The following PCDH15 variants were observed in gnomAD, a reference collection of about 807,000 sequenced individuals.
PCDH15 encodes the protein protocadherin related 15, also known as protocadherin-15.
PCDH15 carries 129 observed loss-of-function variants against 178.5 expected under a neutral mutation model. The observed-to-expected ratio is 0.72, with a 90% CI of 0.63 to 0.84. The LOEUF (loss-of-function observed/expected upper bound fraction) is 0.84, where lower values mean the gene tolerates loss of function less well. Ranked by LOEUF, PCDH15 falls within the 40% of genes least tolerant of loss-of-function variation. The probability of loss-of-function intolerance (pLI) is 0.00; values close to 1 mark genes in which losing one functional copy is unlikely to be tolerated. For synonymous variants in PCDH15, 800 were observed against 732.0 expected, an observed-to-expected ratio of 1.09 and a Z score of -1.50; for missense variants, 2,230 against 2,099.9, an observed-to-expected ratio of 1.06 and a Z score of -1.21.
chr10:54,908,111 C>G (rs960425576), intron 2 of PCDH15, among the ~76,000 whole-genome samples: 1 of 152,204 alleles, frequency 6.6e-6, no homozygotes, highest in African/African-American at 2.4e-5. Context: ...GAGTTTTGCT[C>G]TGGCCCACTG....
chr10:54,988,824 G>A (rs914903961), intron 2 of PCDH15, among the ~76,000 whole-genome samples: 6 of 152,106 alleles, frequency 3.9e-5, no homozygotes, highest in South Asian at 2.1e-4. Flanking sequence ...AGCCAGCCAC[G>A]GAAATTTGCG....
At chr10:54,279,904 G>A (rs1239862959) in intron 8 of PCDH15, among the ~76,000 whole-genome samples, 1 of 151,688 alleles carries the variant, frequency 6.6e-6, no homozygotes, top group Non-Finnish European at 1.5e-5. Flanking sequence ...CATTAAGCTT[G>A]CTATGGTGCT....
chr10:54,035,576 TG>T (rs1335982460), intron 18 of PCDH15, among the ~76,000 whole-genome samples: 1 of 151,944 alleles, frequency 6.6e-6, no homozygotes, highest in Non-Finnish European at 1.5e-5. Context: ...AGATGGTGTA[TG>T]TGTTCTGATT....
In PCDH15 at chr10:54,664,274, G is replaced by A. The variant is rs2094536204; in HGVS notation, c.-12C>T. On this transcript the variant is annotated 5_prime_UTR_variant, in exon 2 of 38. Transcript: ENST00000644397. Reference sequence around the variant, plus strand: ...AACTGTCGAAACATCTTCTGTCAAAGTTCACTCAAAGCTGATCTGAAATAA... The same window carrying A: ...AACTGTCGAAACATCTTCTGTCAAAATTCACTCAAAGCTGATCTGAAATAA... 6.2e-7 allele frequency: 1 copy of A among 1,601,604 alleles called. No homozygotes were observed. The highest frequency in any genetic ancestry group is 8.5e-7 in the Non-Finnish European group (1 of 1,170,318).
At chr10:54,483,620 G>T (rs937362673) in intron 3 of PCDH15, among the ~76,000 whole-genome samples, 1 of 151,726 alleles carries the variant, frequency 6.6e-6, no homozygotes, top group Non-Finnish European at 1.5e-5. Flanking sequence ...TGATAGGATC[G>T]CAGGTGATAA....
intron 2 of PCDH15, among the ~76,000 whole-genome samples, chr10:55,579,924 T>G (rs1842574398): frequency 6.6e-6 from 1 of 152,196 alleles, no homozygotes; most frequent in African/African-American, 2.4e-5. Flanking sequence ...TGGCGCAATC[T>G]CAGCTCACTG....
At chr10:54,298,702 C>T (rs530954552) in intron 8 of PCDH15, among the ~76,000 whole-genome samples, 50 of 152,292 alleles carry the variant, frequency 3.3e-4, no homozygotes, top group African/African-American at 1.2e-3. Context: ...CATGTCATCA[C>T]CCTCACTGAA....
rs529561144 is a variant in PCDH15, at chr10:54,471,583, T to C, written c.157+56229A>G. Among the ~76,000 whole-genome samples the C allele has an allele frequency of 3.3e-5, 5 of 152,168 alleles. No individual in the cohort carries two copies. The South Asian group carries it at 8.3e-4, about 25-fold the overall frequency. On this transcript the variant is annotated intron_variant, in intron 3 of 37. Coordinates refer to ENST00000644397, the MANE Select transcript of PCDH15 (RefSeq NM_001384140.1). ...TAGAAGATTTTATACTATTGGCATATAGTAGGCATTTAAAAAATAGCTGAC... is the reference window on the plus strand; with the variant it reads ...TAGAAGATTTTATACTATTGGCATACAGTAGGCATTTAAAAAATAGCTGAC...
intron 1 of PCDH15, among the ~76,000 whole-genome samples, chr10:54,789,747 C>A (rs751798042): frequency 1.1e-4 from 17 of 151,822 alleles, no homozygotes; most frequent in Non-Finnish European, 2.4e-4. Context: ...GACCAAAGTG[C>A]TTATTTGTTT....
chr10:54,391,561 G>A, intron 3 of PCDH15, among the ~76,000 whole-genome samples: 1 of 150,368 alleles, frequency 6.7e-6, no homozygotes, highest in African/African-American at 2.5e-5. Flanking sequence ...TGACAAACAA[G>A]GAATACAGAA....
intron 2 of PCDH15, chr10:55,627,539 A>C (rs1322486802): frequency 6.6e-6 from 1 of 152,126 alleles, no homozygotes; most frequent in East Asian, 1.9e-4. Context: ...GTGCGATGAC[A>C]AATGAGGGTG....
rs1003140205 is a variant in PCDH15 at position 54,332,071 on chromosome 10, A to G, written c.595-2365T>C. 1.7e-4 allele frequency among the ~76,000 whole-genome samples: 25 copies of G among 150,846 alleles called. No individual in the cohort carries two copies. The Admixed American group carries it at 1.7e-3, about 10-fold the overall frequency. ...TAAAATTAATTACGGAGAAATAGCTAACATGCTAGTGATAGCAGAGTATAA... is the reference window on the plus strand; with the variant it reads ...TAAAATTAATTACGGAGAAATAGCTGACATGCTAGTGATAGCAGAGTATAA... On this transcript the variant is annotated intron_variant, in intron 6 of 37. Coordinates refer to ENST00000644397, the MANE Select transcript of PCDH15 (RefSeq NM_001384140.1).
chr10:55,015,826 A>C (rs1922149), intron 2 of PCDH15, among the ~76,000 whole-genome samples: 5 of 151,602 alleles, frequency 3.3e-5, no homozygotes, highest in Admixed American at 1.3e-4. Flanking sequence ...AGGGAAGCTC[A>C]ACAGTTCTGT....
chr10:55,422,619 G>C (rs1009389274), intron 2 of PCDH15, among the ~76,000 whole-genome samples: 2 of 151,826 alleles, frequency 1.3e-5, no homozygotes, highest in African/African-American at 4.8e-5. Flanking sequence ...TAGCAGTTTA[G>C]ACTGTGAAAG....
intron 2 of PCDH15, among the ~76,000 whole-genome samples, chr10:55,467,060 C>T (rs72788818): frequency 0.032 from 4,943 of 152,208 alleles, 127 homozygotes; most frequent in Middle Eastern, 0.071. Context: ...TATTTATAGG[C>T]GTATCTGTCA....
At chr10:55,148,184 C>G (rs1564838648) in intron 2 of PCDH15, among the ~76,000 whole-genome samples, 1 of 151,806 alleles carries the variant, frequency 6.6e-6, no homozygotes. Flanking sequence ...TCTTGTACTT[C>G]AACATTCTCC....
rs1306482526 is a variant in PCDH15 at position 55,594,065 on chromosome 10, C to A, written c.-156+33560G>T. Among the ~76,000 whole-genome samples, 6 of 152,032 alleles carry A rather than the reference C, an allele frequency of 3.9e-5. No individual in the cohort carries two copies. In the East Asian group the frequency reaches 1.2e-3, roughly 29 times the overall value. On this transcript the variant is annotated intron_variant, in intron 2 of 5. Coordinates refer to the PCDH15 transcript ENST00000613346. The stretch of plus-strand genomic sequence containing the variant: ...TTAAGAGTCTGGGATATGAAACCAA[C>A]TTTTTCTCTATTCTTGTCAAATCCA...
At chr10:55,381,377 C>T (rs1459991077) in intron 2 of PCDH15, among the ~76,000 whole-genome samples, 1 of 152,142 alleles carries the variant, frequency 6.6e-6, no homozygotes, top group East Asian at 1.9e-4. Context: ...GAGCCACTCT[C>T]TCTCTCCAGC....
chr10:54,257,156 C>G (rs7089643), intron 8 of PCDH15, among the ~76,000 whole-genome samples: 103,452 of 151,118 alleles, frequency 0.68, 36,348 homozygotes, highest in Middle Eastern at 0.75. Context: ...GGTAATGTTC[C>G]TTGTCAAGGA....
Sources: allele counts gnomAD v4.1 joint callset (sites outside exome capture counted in the v4.1 genomes callset), GRCh38; gene constraint gnomAD v4.1.1; transcripts MANE v1.5; gene names NCBI Gene and HGNC (gene_info 2026-07-23, HGNC 2026-07-21).